The following CHCHD3 variants were observed in gnomAD, a reference collection of about 807,000 sequenced individuals.
The protein encoded by CHCHD3 is MICOS complex subunit MIC19.
Under a neutral mutation model 38.2 loss-of-function variants are expected in CHCHD3, and 20 were observed. The ratio of observed to expected loss-of-function variants is 0.52; its 90% CI spans 0.37 to 0.76. The LOEUF is 0.76. CHCHD3 is among the 30% of genes least tolerant of loss of function. The pLI is 0.00. For missense variants in CHCHD3, 245 were observed against 279.2 expected (o/e 0.88, Z 0.87); for synonymous variants, 82 against 100.0 (o/e 0.82, Z 1.07).
intron 2 of CHCHD3, among the ~76,000 whole-genome samples, chr7:133,045,334 G>C (rs182521998): frequency 6.6e-6 from 1 of 152,276 alleles, no homozygotes; most frequent in Admixed American, 6.5e-5. Flanking sequence ...CGACGCACAG[G>C]AGAGACATGC....
At chr7:132,920,358 A>G (rs1810230826) in intron 4 of CHCHD3, among the ~76,000 whole-genome samples, 1 of 152,206 alleles carries the variant, frequency 6.6e-6, no homozygotes, top group Admixed American at 6.5e-5. Context: ...CCCTGCTCTA[A>G]TAGAGAATAT....
chr7:132,962,582 C>G (rs539903324), intron 4 of CHCHD3, among the ~76,000 whole-genome samples: 1 of 152,298 alleles, frequency 6.6e-6, no homozygotes, highest in South Asian at 2.1e-4. Context: ...TATTCTCTAA[C>G]AGTTTTTAAT....
intron 2 of CHCHD3, among the ~76,000 whole-genome samples, chr7:133,047,886 G>A (rs775808259): frequency 2.6e-5 from 4 of 152,118 alleles, no homozygotes; most frequent in Admixed American, 6.5e-5. Context: ...TCGGGAGTTC[G>A]AGACCAGCCT....
chr7:132,804,369 C>T (rs1305976562), intron 6 of CHCHD3, among the ~76,000 whole-genome samples: 1 of 152,134 alleles, frequency 6.6e-6, no homozygotes, highest in Non-Finnish European at 1.5e-5. Context: ...TGCGGAGCTT[C>T]TATTTTTAGG....
At chr7:133,077,078 G>A (rs1173506887) in intron 1 of CHCHD3, among the ~76,000 whole-genome samples, 1 of 152,152 alleles carries the variant, frequency 6.6e-6, no homozygotes, top group Non-Finnish European at 1.5e-5. Context: ...GAAAGGGGGA[G>A]AGGGAACCCA....
intron 6 of CHCHD3, among the ~76,000 whole-genome samples, chr7:132,829,954 A>G (rs1028817858): frequency 3.3e-5 from 5 of 152,174 alleles, no homozygotes; most frequent in Non-Finnish European, 5.9e-5. Flanking sequence ...TGAGTGGAAT[A>G]CTGTGGCGAC....
chr7:132,797,704 T>C (rs937670007), intron 6 of CHCHD3, among the ~76,000 whole-genome samples: 3 of 152,224 alleles, frequency 2.0e-5, no homozygotes, highest in Non-Finnish European at 4.4e-5. Flanking sequence ...TTTAGTCAGA[T>C]TGCTTCTGTG....
At chr7:133,043,425 T>C (rs1439697205) in intron 2 of CHCHD3, among the ~76,000 whole-genome samples, 1 of 152,082 alleles carries the variant, frequency 6.6e-6, no homozygotes, top group Non-Finnish European at 1.5e-5. Flanking sequence ...GCAGATTACC[T>C]GACGTCAGGA....
chr7:133,008,335 C>T (rs954670382), intron 3 of CHCHD3, among the ~76,000 whole-genome samples: 1 of 145,896 alleles, frequency 6.9e-6, no homozygotes, highest in African/African-American at 2.6e-5. Flanking sequence ...TTCCCAGACT[C>T]GGCAGATTAA....
intron 5 of CHCHD3, among the ~76,000 whole-genome samples, chr7:132,841,781 C>T (rs532984301): frequency 1.3e-5 from 2 of 152,228 alleles, no homozygotes; most frequent in East Asian, 1.9e-4. Context: ...TGTGGGCGTG[C>T]AGCTAGTCAT....
At chr7:132,944,699 TATGCATGGTAA>T (rs1463173402) in intron 4 of CHCHD3, among the ~76,000 whole-genome samples, 3 of 151,936 alleles carry the variant, frequency 2.0e-5, no homozygotes, top group Non-Finnish European at 2.9e-5. Flanking sequence ...CAGAAGTATA[TATGCATGGTAA>T]AAACAGGAAT....
chr7:132,915,862 G>A (rs1810090733), intron 4 of CHCHD3, among the ~76,000 whole-genome samples: 1 of 151,896 alleles, frequency 6.6e-6, no homozygotes, highest in Admixed American at 6.6e-5. Flanking sequence ...GTGAACTCAG[G>A]GAACAATGGG....
At chr7:132,965,520 C>T (rs748145719) in intron 4 of CHCHD3, among the ~76,000 whole-genome samples, 12 of 151,778 alleles carry the variant, frequency 7.9e-5, no homozygotes, top group Non-Finnish European at 1.6e-4. Context: ...ATCAGCAAAG[C>T]TCATAAGCTT....
chr7:132,977,185 A>G (rs959995126), intron 3 of CHCHD3, among the ~76,000 whole-genome samples: 14 of 152,234 alleles, frequency 9.2e-5, no homozygotes, highest in African/African-American at 3.1e-4. Context: ...TTCCTAGAAC[A>G]GCAGTTCTAA....
At chr7:133,054,604 A>AT (rs2117507314) in intron 2 of CHCHD3, among the ~76,000 whole-genome samples, 1 of 152,364 alleles carries the variant, frequency 6.6e-6, no homozygotes, top group South Asian at 2.1e-4. Context: ...AAATTTACCC[A>AT]TTTAAAGTAC....
intron 6 of CHCHD3, among the ~76,000 whole-genome samples, chr7:132,829,691 C>A (rs1233882185): frequency 6.6e-6 from 1 of 152,196 alleles, no homozygotes; most frequent in East Asian, 1.9e-4. Context: ...TCTGGCTGCA[C>A]CATCAGCAGC....
At chr7:132,928,186 T>C (rs893645570) in intron 4 of CHCHD3, among the ~76,000 whole-genome samples, 3 of 152,028 alleles carry the variant, frequency 2.0e-5, no homozygotes, top group Non-Finnish European at 1.5e-5. Flanking sequence ...GAGAGTGACA[T>C]CATGGATAAA....
intron 3 of CHCHD3, among the ~76,000 whole-genome samples, chr7:133,020,134 G>C (rs1813138845): frequency 6.6e-6 from 1 of 152,100 alleles, no homozygotes; most frequent in Non-Finnish European, 1.5e-5. Context: ...TCAGCGATTT[G>C]TGCGGGACAT....
chr7:133,033,468 G>A (rs1279019983), intron 2 of CHCHD3, among the ~76,000 whole-genome samples: 1 of 151,890 alleles, frequency 6.6e-6, no homozygotes, highest in Non-Finnish European at 1.5e-5. Flanking sequence ...CCTCAAGTGG[G>A]GTACTACTCA....
Sources: allele counts gnomAD v4.1 joint callset (sites outside exome capture counted in the v4.1 genomes callset), GRCh38; gene constraint gnomAD v4.1.1; transcripts MANE v1.5; gene names NCBI Gene and HGNC (gene_info 2026-07-23, HGNC 2026-07-21).